UGT1A1: variants seen among roughly 807,000 people sequenced by gnomAD.
UGT1A1 encodes UDP glucuronosyltransferase family 1 member A1, also known as UDP-glucuronosyltransferase 1A1.
A neutral mutation model predicts 40.6 loss-of-function variants in UGT1A1; 33 were observed. The ratio of observed to expected loss-of-function variants is 0.81; its 90% CI spans 0.62 to 1.09. The LOEUF (loss-of-function observed/expected upper bound fraction) is 1.09. Among genes scored for constraint, UGT1A1 ranks in the 50% least tolerant of loss-of-function variants. UGT1A1 has a pLI of 0.00. For synonymous variants in UGT1A1, 249 were observed against 265.0 expected, an observed-to-expected ratio of 0.94 and a Z score of 0.59; for missense variants, 694 against 671.2, an observed-to-expected ratio of 1.03 and a Z score of -0.38.
rs200102302 is a variant in UGT1A1, at chr2:233,761,088, C to T, written c.801C>T (p.Pro267=). Reference sequence around the variant, plus strand: ...ACTTTGTGAAGGATTACCCTAGGCCCATCATGCCCAATATGGTTTTTGTTG... The same window carrying T: ...ACTTTGTGAAGGATTACCCTAGGCCTATCATGCCCAATATGGTTTTTGTTG... ...RSDFVKDYPR[P]IMPNMVFVGG... Residue 267 remains proline, a synonymous_variant, in exon 1 of 5, where the codon CCC becomes CCT. Coordinates refer to ENST00000305208, the MANE Select transcript of UGT1A1 (RefSeq NM_000463.3). The T allele has an allele frequency of 4.8e-5, 77 of 1,614,202 alleles. No individual in the cohort carries two copies. Among genetic ancestry groups the T allele is most frequent in the Admixed American group, 1.0e-4 (6 of 60,034 alleles).
Position 233,760,695 on chromosome 2 carries a change from C to T in UGT1A1, c.408C>T (p.Leu136=). 1.9e-6 allele frequency: 3 copies of T among 1,614,208 alleles called. No individual in the cohort carries two copies. The highest frequency in any genetic ancestry group is 2.5e-6 in the Non-Finnish European group (3 of 1,180,024). The change falls in exon 1 of 5, where the codon CTC becomes CTT. Residue 136 remains leucine, a synonymous_variant. Coordinates refer to ENST00000305208, the MANE Select transcript of UGT1A1 (RefSeq NM_000463.3). ...CCCACTTACTGCACAACAAGGAGCT[C>T]ATGGCCTCCCTGGCAGAAAGCAGCT... ...GCSHLLHNKE[L]MASLAESSFD... is the part of the protein sequence containing the mutation.
chr2:233,768,488 A>T, intron 4 of UGT1A1, 49 bp downstream of exon 4: 1 of 1,577,512 alleles, frequency 6.3e-7, no homozygotes, highest in East Asian at 2.3e-5. Flanking sequence ...ATTCATGATA[A>T]AATTGTTTCA....
Position 233,761,122 on chromosome 2 carries a change from A to T in UGT1A1, c.835A>T (p.Asn279Tyr), listed in dbSNP as rs397978903. 136 of 1,614,116 alleles carry T rather than the reference A, an allele frequency of 8.4e-5. No individual in the cohort carries two copies. Among genetic ancestry groups the T allele is most frequent in the Non-Finnish European group, 1.1e-4 (124 of 1,180,046 alleles). Residue 279 changes from asparagine (N) to tyrosine (Y), a missense_variant, in exon 1 of 5, where the codon AAC becomes TAC. Physicochemically the swap from Asn to Tyr is moderately radical, Grantham distance 143. Coordinates refer to ENST00000305208, the MANE Select transcript of UGT1A1 (RefSeq NM_000463.3). ...MPNMVFVGGI[N>Y]CLHQNPLSQE... The stretch of plus-strand genomic sequence containing the variant: ...CAATATGGTTTTTGTTGGTGGAATC[A>T]ACTGCCTTCACCAAAATCCACTATC...
chr2:233,772,622 C>G lies in UGT1A1; in HGVS notation c.*63C>G. ...CCCTAGTCATTTCCAAACTTGAAAA[C>G]AGAATCAGTGTTAAATTCATTTTAT... On this transcript the variant is annotated 3_prime_UTR_variant, in exon 5 of 5. Transcript: ENST00000305208. 2.6e-6 allele frequency: 4 copies of G among 1,567,434 alleles called. No individual in the cohort carries two copies. The highest frequency in any genetic ancestry group is 3.5e-6 in the Non-Finnish European group (4 of 1,155,382).
Position 233,768,265 on chromosome 2 carries a change from G to T in UGT1A1, c.1130G>T (p.Gly377Val), listed in dbSNP as rs1283652721. Residue 377 changes from glycine to valine, a missense_variant, in exon 4 of 5, where the codon GGT becomes GTT. By Grantham distance (109) the Gly-to-Val change is moderately radical. Transcript: ENST00000305208. The part of the protein sequence containing the change: ...RAFITHAGSH[G>V]VYESICNGVP... ...TTTATCACCCATGCTGGTTCCCATGGTGTTTATGAAAGCATATGCAATGGC... is the reference window on the plus strand; with the variant it reads ...TTTATCACCCATGCTGGTTCCCATGTTGTTTATGAAAGCATATGCAATGGC... 5.0e-6 allele frequency: 8 copies of T among 1,614,030 alleles called. No individual in the cohort carries two copies. The highest frequency in any genetic ancestry group is 6.8e-6 in the Non-Finnish European group (8 of 1,180,030).
At chr2:233,772,241 C>T (rs200350292) in intron 4 of UGT1A1, 21 bp from the exon 5 acceptor site, 139 of 1,614,076 alleles carry the variant, frequency 8.6e-5, no homozygotes, top group Admixed American at 1.2e-4. Flanking sequence ...CCAGGCATAA[C>T]GAAACTGTCT....
chr2:233,760,815 A>G lies in UGT1A1; in HGVS notation c.528A>G (p.Pro176=). 1 of 1,613,556 alleles carries G rather than the reference A, an allele frequency of 6.2e-7. No homozygotes were observed. The highest frequency in any genetic ancestry group is 8.5e-7 in the Non-Finnish European group (1 of 1,179,546). ...LPTVFFLHAL[P]CSLEFEATQC... Reference sequence around the variant, plus strand: ...CTGTATTCTTCTTGCATGCACTGCCATGCAGCCTGGAATTTGAGGCTACCC... The same window carrying G: ...CTGTATTCTTCTTGCATGCACTGCCGTGCAGCCTGGAATTTGAGGCTACCC... Residue 176 remains proline, a synonymous_variant, in exon 1 of 5, where the codon CCA becomes CCG. Coordinates refer to ENST00000305208, the MANE Select transcript of UGT1A1 (RefSeq NM_000463.3).
rs2126067607 is a variant in UGT1A1 at position 233,772,789 on chromosome 2, G to C, written c.*230G>C. 2 of 1,234,682 alleles carry C rather than the reference G, an allele frequency of 1.6e-6. No homozygotes were observed. Among genetic ancestry groups the C allele is most frequent in the Middle Eastern group, 2.9e-4 (1 of 3,420 alleles). The allele number at this position is 1,234,682 out of a possible 1,614,324, so 76.5% of individuals were successfully genotyped here. On this transcript the variant is annotated 3_prime_UTR_variant, in exon 5 of 5. Transcript: ENST00000305208. Reference sequence around the variant, plus strand: ...CCCCTCTGGTGTCTTTGATCAGGATGACATGTGCCATTTTTCAGAGGACGT... The same window carrying C: ...CCCCTCTGGTGTCTTTGATCAGGATCACATGTGCCATTTTTCAGAGGACGT...
chr2:233,760,840 C>T lies in UGT1A1; in HGVS notation c.553C>T (p.Gln185Ter). ...LPCSLEFEAT[Q>*]CPNPFSYVPR... The stretch of plus-strand genomic sequence containing the variant: ...ATGCAGCCTGGAATTTGAGGCTACC[C>T]AGTGCCCCAACCCATTCTCCTACGT... The change falls in exon 1 of 5, where the codon CAG (glutamine) becomes TAG (stop). Residue 185 changes from glutamine to a stop codon, truncating the protein, a stop_gained. Transcript: ENST00000305208. LOFTEE classifies it high-confidence loss of function. 1 of 1,613,860 alleles carries T rather than the reference C, an allele frequency of 6.2e-7. No homozygotes were observed. Among genetic ancestry groups the T allele is most frequent in the Non-Finnish European group, 8.5e-7 (1 of 1,179,776 alleles).
At chr2:233,771,134 C>T (rs1700244933) in intron 4 of UGT1A1, 1 of 152,302 alleles carries the variant, frequency 6.6e-6, no homozygotes, top group Admixed American at 6.5e-5. Flanking sequence ...CCCCATGATC[C>T]AAACACCTCC....
In UGT1A1 at chr2:233,767,937, G is replaced by T. The variant is rs587784535; in HGVS notation, c.1084+1G>T. Reference sequence around the variant, plus strand: ...TGGCTACCCCAAAACGATCTGCTTGGTATGTTGGGCGGATTGGATGTATAG... The same window carrying T: ...TGGCTACCCCAAAACGATCTGCTTGTTATGTTGGGCGGATTGGATGTATAG... On this transcript the variant is annotated splice_donor_variant, in intron 3 of 4. Coordinates refer to ENST00000305208, the MANE Select transcript of UGT1A1 (RefSeq NM_000463.3). LOFTEE classifies it high-confidence loss of function. 5 of 1,614,210 alleles carry T rather than the reference G, an allele frequency of 3.1e-6. No individual in the cohort carries two copies. The highest frequency in any genetic ancestry group is 4.2e-6 in the Non-Finnish European group (5 of 1,180,052).
At chr2:233,761,619 G>A (rs34165552) in intron 1 of UGT1A1, among the ~76,000 whole-genome samples, 1 of 152,358 alleles carries the variant, frequency 6.6e-6, no homozygotes, top group Non-Finnish European at 1.5e-5. Context: ...ATTCTGATAA[G>A]AAGCTAAATC....
rs2125985415 is a variant in UGT1A1, at chr2:233,760,524, C to T, written c.237C>T (p.Tyr79=). Residue 79 remains tyrosine, a synonymous_variant, in exon 1 of 5, where the codon TAC becomes TAT. Coordinates refer to ENST00000305208, the MANE Select transcript of UGT1A1 (RefSeq NM_000463.3). The part of the protein sequence containing the change: ...RDGAFYTLKT[Y]PVPFQREDVK... ...GAGCATTTTACACCTTGAAGACGTACCCTGTGCCATTCCAAAGGGAGGATG... is the reference window on the plus strand; with the variant it reads ...GAGCATTTTACACCTTGAAGACGTATCCTGTGCCATTCCAAAGGGAGGATG... 6.2e-7 allele frequency: 1 copy of T among 1,614,240 alleles called. No individual in the cohort carries two copies. Among genetic ancestry groups the T allele is most frequent in the Non-Finnish European group, 8.5e-7 (1 of 1,180,052 alleles).
At chr2:233,762,454 C>T (rs1698080898) in intron 1 of UGT1A1, among the ~76,000 whole-genome samples, 1 of 152,194 alleles carries the variant, frequency 6.6e-6, no homozygotes, top group African/African-American at 2.4e-5. Context: ...TGCCCACTTA[C>T]CGATAATGTC....
Position 233,760,370 on chromosome 2 carries a change from G to A in UGT1A1, c.83G>A (p.Gly28Glu). 1 of 1,614,148 alleles carries A rather than the reference G, an allele frequency of 6.2e-7. No individual in the cohort carries two copies. Among genetic ancestry groups the A allele is most frequent in the Non-Finnish European group, 8.5e-7 (1 of 1,179,996 alleles). Residue 28 changes from glycine (G) to glutamate (E), a missense_variant, in exon 1 of 5, where the codon GGG (glycine) becomes GAG (glutamate). By Grantham distance (98) the Gly-to-Glu change is moderately conservative. Coordinates refer to ENST00000305208, the MANE Select transcript of UGT1A1 (RefSeq NM_000463.3). ...CVLGPVVSHA[G>E]KILLIPVDGS... Reference sequence around the variant, plus strand: ...CTGGGCCCAGTGGTGTCCCATGCTGGGAAGATACTGTTGATCCCAGTGGAT... The same window carrying A: ...CTGGGCCCAGTGGTGTCCCATGCTGAGAAGATACTGTTGATCCCAGTGGAT...
chr2:233,762,496 C>A (rs923496675), intron 1 of UGT1A1, among the ~76,000 whole-genome samples: 3 of 152,178 alleles, frequency 2.0e-5, no homozygotes, highest in Non-Finnish European at 4.4e-5. Flanking sequence ...AATGCTATTA[C>A]TTTTTAAACT....
Position 233,767,956 on chromosome 2 carries a change from T to A in UGT1A1, c.1084+20T>A. 6.2e-7 allele frequency: 1 copy of A among 1,614,192 alleles called. No individual in the cohort carries two copies. Among genetic ancestry groups the A allele is most frequent in the Non-Finnish European group, 8.5e-7 (1 of 1,180,026 alleles). ...TGCTTGGTATGTTGGGCGGATTGGATGTATAGGTCAAACCAGGGTCAAATT... is the reference window on the plus strand; with the variant it reads ...TGCTTGGTATGTTGGGCGGATTGGAAGTATAGGTCAAACCAGGGTCAAATT... On this transcript the variant is annotated intron_variant, in intron 3 of 4. Transcript: ENST00000305208.
intron 1 of UGT1A1, among the ~76,000 whole-genome samples, chr2:233,765,933 G>C (rs1285596589): frequency 2.6e-5 from 4 of 152,108 alleles, no homozygotes; most frequent in African/African-American, 9.7e-5. Flanking sequence ...CGGGCAGGTT[G>C]TGGGGCTCTG....
At chr2:233,771,806 T>C (rs1391342428) in intron 4 of UGT1A1, among the ~76,000 whole-genome samples, 2 of 140,682 alleles carry the variant, frequency 1.4e-5, no homozygotes, top group South Asian at 5.4e-4. Flanking sequence ...CTCCCTCCCT[T>C]CCTCCTTTCC....
Sources: gnomAD v4.1 joint callset for allele counts (sites outside exome capture counted in the v4.1 genomes callset) on GRCh38, gnomAD v4.1.1 for gene constraint, MANE v1.5 for transcripts, NCBI Gene and HGNC (gene_info 2026-07-23, HGNC 2026-07-21) for gene names.